SOX5: variants seen among roughly 807,000 people sequenced by gnomAD.
SOX5 encodes transcription factor SOX-5.
Under a neutral mutation model 92.0 loss-of-function variants are expected in SOX5, and 9 were observed. The observed-to-expected ratio is 0.10, with a 90% confidence interval of 0.06 to 0.17. The LOEUF is 0.17. Ranked by LOEUF, SOX5 falls within the 10% of genes least tolerant of loss-of-function variation. The pLI, the probability that SOX5 is intolerant of heterozygous loss-of-function variation, is 1.00. For synonymous variants in SOX5, 344 were observed against 336.3 expected (o/e 1.02, Z -0.25); for missense variants, 642 against 944.5 (o/e 0.68, Z 4.20).
chr12:24,375,736 CAAA>C (rs34949948), intron 1 of SOX5, among the ~76,000 whole-genome samples: 33 of 120,348 alleles, frequency 2.7e-4, no homozygotes, highest in Admixed American at 1.8e-3. Context: ...AACTCTGTCT[CAAA>C]AAAAAAAAAA....
At chr12:23,677,829 G>A in intron 6 of SOX5, among the ~76,000 whole-genome samples, 1 of 151,946 alleles carries the variant, frequency 6.6e-6, no homozygotes, top group Admixed American at 6.6e-5. Flanking sequence ...TGTTACATTA[G>A]TGGTAAGAAG....
chr12:24,492,879 A>G (rs1361172538), intron 1 of SOX5, among the ~76,000 whole-genome samples: 1 of 152,190 alleles, frequency 6.6e-6, no homozygotes, highest in South Asian at 2.1e-4. Flanking sequence ...ATAAATTCCA[A>G]TAAGAAAATT....
Position 24,533,465 on chromosome 12 carries a change from T to C in SOX5, c.-251+28864A>G, listed in dbSNP as rs377682157. On this transcript the variant is annotated intron_variant, in intron 1 of 4. Coordinates refer to the SOX5 transcript ENST00000446891. Reference sequence around the variant, plus strand: ...TAATCATCAAGTCTCTTAAATATTATGTTTTTAAATATGCATTTAGGGAAA... The same window carrying C: ...TAATCATCAAGTCTCTTAAATATTACGTTTTTAAATATGCATTTAGGGAAA... 9.8e-5 allele frequency among the ~76,000 whole-genome samples: 15 copies of C among 152,332 alleles called. No individual in the cohort carries two copies. In the East Asian group the frequency reaches 2.7e-3, roughly 27 times the overall value.
At chr12:24,127,978 G>A (rs961745425) in intron 4 of SOX5, among the ~76,000 whole-genome samples, 1 of 152,158 alleles carries the variant, frequency 6.6e-6, no homozygotes, top group African/African-American at 2.4e-5. Flanking sequence ...AGGATTTGGT[G>A]AAAAATTCTT....
rs142587807 is a variant in SOX5 at position 24,554,476 on chromosome 12, G to A, written c.-251+7853C>T. On this transcript the variant is annotated intron_variant, in intron 1 of 4. Transcript: ENST00000446891. ...TATGCCAAAAGCTTCACAGTAAGCA[G>A]TCCTTATCCTGGGCACAGATTCCCT... Among the ~76,000 whole-genome samples, 448 of 152,312 alleles carry A rather than the reference G, an allele frequency of 2.9e-3. 2 individuals carry two copies. The highest frequency in any genetic ancestry group is 0.01 in the African/African-American group (432 of 41,568).
chr12:24,127,778 A>AAGGGAAGCCTGATGCATAAACC (rs1407688799), intron 4 of SOX5, among the ~76,000 whole-genome samples: 1 of 152,150 alleles, frequency 6.6e-6, no homozygotes, highest in Non-Finnish European at 1.5e-5. Flanking sequence ...CCACCTGGGG[A>AAGGGAAGCCTGATGCATAAACC]AGGGAAGCCT....
In SOX5 at chr12:23,833,057, CAAAGTTGTGGATTATCTCCCCAA is replaced by C. The variant is rs1168142780; in HGVS notation, c.481+12903_481+12925del. Among the ~76,000 whole-genome samples, 5 of 151,800 alleles carry C rather than the reference CAAAGTTGTGGATTATCTCCCCAA, an allele frequency of 3.3e-5. No homozygotes were observed. In the Admixed American group the frequency reaches 3.3e-4, roughly 10 times the overall value. On this transcript the variant is annotated intron_variant, in intron 3 of 14. Transcript: ENST00000451604. ...TTACATTGTGGATTCATTTGAAAGC[CAAAGTTGTGGATTATCTCCCCAA>C]AAATGTACAAATACATATATTTTCA...
chr12:23,963,696 A>C (rs1947219977), intron 4 of SOX5, among the ~76,000 whole-genome samples: 2 of 150,942 alleles, frequency 1.3e-5, no homozygotes, highest in South Asian at 2.1e-4. Context: ...CACATTCTAT[A>C]CAATGGATAG....
intron 4 of SOX5, among the ~76,000 whole-genome samples, chr12:23,977,762 A>G (rs2136121243): frequency 6.8e-6 from 1 of 146,754 alleles, no homozygotes; most frequent in South Asian, 2.2e-4. Context: ...TGTACCTAAG[A>G]AAAGAAAAAA....
chr12:24,303,663 T>C (rs566796611), intron 2 of SOX5, among the ~76,000 whole-genome samples: 19 of 152,230 alleles, frequency 1.2e-4, no homozygotes, highest in Non-Finnish European at 2.6e-4. Context: ...AATAATTGTG[T>C]TTCTGGCAGT....
intron 2 of SOX5, among the ~76,000 whole-genome samples, chr12:23,877,744 T>C (rs1002485182): frequency 1.4e-4 from 21 of 152,062 alleles, no homozygotes; most frequent in Non-Finnish European, 2.1e-4. Context: ...AGAACCTTTT[T>C]CTTGGACATT....
chr12:23,979,265 C>A (rs1461311390), intron 4 of SOX5, among the ~76,000 whole-genome samples: 1 of 152,132 alleles, frequency 6.6e-6, no homozygotes, highest in African/African-American at 2.4e-5. Flanking sequence ...ACTCTGTCAG[C>A]CAGGCTGGAG....
At chr12:23,754,224 C>T (rs767147385) in intron 4 of SOX5, among the ~76,000 whole-genome samples, 7 of 151,746 alleles carry the variant, frequency 4.6e-5, no homozygotes, top group Non-Finnish European at 8.8e-5. Context: ...GGGGAAAAAA[C>T]GTTTGTCCTC....
At chr12:24,021,248 A>T (rs1954251929) in intron 4 of SOX5, among the ~76,000 whole-genome samples, 1 of 152,194 alleles carries the variant, frequency 6.6e-6, no homozygotes, top group African/African-American at 2.4e-5. Context: ...GCCCTGCATG[A>T]GATGGGGACA....
intron 3 of SOX5, among the ~76,000 whole-genome samples, chr12:23,800,929 T>C (rs1169132653): frequency 6.6e-6 from 1 of 152,158 alleles, no homozygotes; most frequent in Non-Finnish European, 1.5e-5. Flanking sequence ...GAGAACTTGT[T>C]AAAACACAAA....
At chr12:24,152,259 T>C (rs780930228) in intron 4 of SOX5, among the ~76,000 whole-genome samples, 8 of 152,244 alleles carry the variant, frequency 5.3e-5, no homozygotes, top group Non-Finnish European at 1.0e-4. Flanking sequence ...AAAAGCATAT[T>C]ACAGCATTTC....
intron 4 of SOX5, among the ~76,000 whole-genome samples, chr12:24,145,158 G>A (rs751157392): frequency 1.3e-5 from 2 of 151,946 alleles, no homozygotes; most frequent in Non-Finnish European, 2.9e-5. Context: ...AAGATGTATC[G>A]ACTATAAATC....
chr12:23,949,752 CCCTCTCTCTCTCTGT>C, upstream of SOX5: 6 of 930,030 alleles, frequency 6.5e-6, no homozygotes, highest in Non-Finnish European at 7.8e-6. Context: ...CTCTCTCTCT[CCCTCTCTCTCTCTGT>C]CTCTCTCTCT....
intron 4 of SOX5, among the ~76,000 whole-genome samples, chr12:24,134,831 A>G (rs1327992804): frequency 6.6e-6 from 1 of 152,228 alleles, no homozygotes; most frequent in African/African-American, 2.4e-5. Flanking sequence ...TAAGGAGAAC[A>G]GTATTCTCCC....
Sources: gnomAD v4.1 joint callset for allele counts (sites outside exome capture counted in the v4.1 genomes callset) on GRCh38, gnomAD v4.1.1 for gene constraint, MANE v1.5 for transcripts, NCBI Gene and HGNC (gene_info 2026-07-23, HGNC 2026-07-21) for gene names.